The following C7 variants were observed in gnomAD, a reference collection of about 807,000 sequenced individuals.
C7 encodes complement C7, also known as complement component C7.
C7 carries 83 observed loss-of-function variants against 104.8 expected under a neutral mutation model. That is an observed-to-expected ratio of 0.79 (90% confidence interval 0.66 to 0.95). C7 has a LOEUF of 0.95. Among genes scored for constraint, C7 ranks in the 40% least tolerant of loss-of-function variants. The probability of loss-of-function intolerance (pLI) is 0.00; values close to 1 mark genes in which losing one functional copy is unlikely to be tolerated. For missense variants in C7, 1,070 were observed against 1,011.2 expected (o/e 1.06, Z -0.79); for synonymous variants, 415 against 360.6 (o/e 1.15, Z -1.71).
At chr5:40,945,785 G>A (rs899551266) in intron 7 of C7, among the ~76,000 whole-genome samples, 37 of 150,896 alleles carry the variant, frequency 2.5e-4, no homozygotes, top group African/African-American at 8.0e-4. Context: ...GATCACTTGA[G>A]CCTTGGAGGG....
intron 1 of C7, among the ~76,000 whole-genome samples, chr5:40,928,352 T>C (rs1312686824): frequency 6.6e-6 from 1 of 152,156 alleles, no homozygotes; most frequent in Non-Finnish European, 1.5e-5. Flanking sequence ...TGGGGTATCA[T>C]ACATTTCAAA....
chr5:40,951,943 A>G (rs1050916263), intron 9 of C7, among the ~76,000 whole-genome samples: 1 of 152,234 alleles, frequency 6.6e-6, no homozygotes, highest in Non-Finnish European at 1.5e-5. Context: ...CACTCAAGAT[A>G]TAGCCGTGAA....
chr5:40,951,849 A>G (rs1454808211), intron 9 of C7, among the ~76,000 whole-genome samples: 1 of 152,224 alleles, frequency 6.6e-6, no homozygotes, highest in Non-Finnish European at 1.5e-5. Flanking sequence ...GATAAGTAGT[A>G]AAACCAGGTT....
At chr5:40,954,079 G>A (rs574340065) in intron 9 of C7, among the ~76,000 whole-genome samples, 28 of 152,150 alleles carry the variant, frequency 1.8e-4, no homozygotes, top group African/African-American at 6.0e-4. Flanking sequence ...AAATTATGAG[G>A]CACATAAATG....
At chr5:40,910,175 C>T (rs1482917634) in intron 1 of C7, among the ~76,000 whole-genome samples, 1 of 151,654 alleles carries the variant, frequency 6.6e-6, no homozygotes, top group African/African-American at 2.4e-5. Flanking sequence ...TACATGTTGG[C>T]CCAATGCAAA....
In C7 at chr5:40,924,542, T is replaced by TG. The variant is rs200947908; in HGVS notation, c.7-4031dup. 1.4e-3 allele frequency among the ~76,000 whole-genome samples: 212 copies of TG among 152,258 alleles called. 3 individuals are homozygous for TG. In the East Asian group the frequency reaches 0.03, roughly 21 times the overall value. ...AGGCAGTACTCCAGTGGGGACTGTG[T>TG]GGGGGGGTTCCAACCCTGCATTTCC... On this transcript the variant is annotated intron_variant, in intron 1 of 17. Transcript: ENST00000313164.
At chr5:40,945,700 A>G (rs1451853915) in intron 7 of C7, among the ~76,000 whole-genome samples, 1 of 151,692 alleles carries the variant, frequency 6.6e-6, no homozygotes, top group African/African-American at 2.4e-5. Flanking sequence ...CCCTGTCTCT[A>G]TAAAAACACA....
At chr5:40,909,810 A>G (rs1739169481) in intron 1 of C7, among the ~76,000 whole-genome samples, 194 bp downstream of exon 1, 1 of 152,230 alleles carries the variant, frequency 6.6e-6, no homozygotes, top group South Asian at 2.1e-4. Context: ...CATATTTAAC[A>G]GTTCAGCCAA....
Position 40,931,139 on chromosome 5 carries a change from G to A in C7, c.138G>A (p.Gln46=). 1 of 1,611,146 alleles carries A rather than the reference G, an allele frequency of 6.2e-7. No homozygotes were observed. Among genetic ancestry groups the A allele is most frequent in the African/African-American group, 1.3e-5 (1 of 74,970 alleles). Residue 46 remains glutamine, a splice_region_variant and synonymous_variant, in exon 3 of 18, where the codon CAG becomes CAA. Transcript: ENST00000313164. ...WSECNGCTKT[Q]TRRRSVAVYG... ...AATGCAATGGCTGTACCAAGACTCAGGTAGGACCATGCAAAACTTTGTATT... is the reference window on the plus strand; with the variant it reads ...AATGCAATGGCTGTACCAAGACTCAAGTAGGACCATGCAAAACTTTGTATT...
intron 1 of C7, among the ~76,000 whole-genome samples, chr5:40,917,377 A>G (rs1739340142): frequency 6.6e-6 from 1 of 152,226 alleles, no homozygotes; most frequent in South Asian, 2.1e-4. Flanking sequence ...AAAATACTGA[A>G]TGTTTTATTT....
At chr5:40,967,078 TTTTC>T (rs1346401870) in intron 14 of C7, among the ~76,000 whole-genome samples, 1 of 130,542 alleles carries the variant, frequency 7.7e-6, no homozygotes, top group Admixed American at 8.1e-5. Context: ...GATTTTTTTT[TTTTC>T]TTTGAGATGG....
At chr5:40,975,011 A>G (rs1191941112) in intron 15 of C7, among the ~76,000 whole-genome samples, 1 of 152,200 alleles carries the variant, frequency 6.6e-6, no homozygotes, top group Non-Finnish European at 1.5e-5. Context: ...TAAAAACCAA[A>G]GATGTCCCTA....
intron 7 of C7, among the ~76,000 whole-genome samples, chr5:40,945,872 AT>A (rs1561247329): frequency 2.2e-4 from 13 of 59,440 alleles, no homozygotes; most frequent in African/African-American, 8.6e-4. Context: ...TCAAAAAAAA[AT>A]ACATATATAT....
At chr5:40,916,581 T>A (rs1316364521) in intron 1 of C7, among the ~76,000 whole-genome samples, 1 of 152,166 alleles carries the variant, frequency 6.6e-6, no homozygotes, top group African/African-American at 2.4e-5. Flanking sequence ...AAGGAAATGC[T>A]CGAAACCATT....
intron 5 of C7, 45 bp downstream of exon 5, chr5:40,936,530 T>C: frequency 6.4e-7 from 1 of 1,570,218 alleles, no homozygotes; most frequent in Non-Finnish European, 8.6e-7. Context: ...GAATTGTAGT[T>C]TTAAATTTTG....
chr5:40,917,581 T>C (rs878904172), intron 1 of C7, among the ~76,000 whole-genome samples: 2 of 152,216 alleles, frequency 1.3e-5, no homozygotes, highest in Admixed American at 1.3e-4. Context: ...AATGCAGCAA[T>C]GAACATGGGA....
chr5:40,972,980 A>G (rs572914859), intron 15 of C7, among the ~76,000 whole-genome samples: 13 of 152,306 alleles, frequency 8.5e-5, no homozygotes, highest in Admixed American at 2.6e-4. Flanking sequence ...TAATTTATTT[A>G]AAGTTCTGTA....
chr5:40,968,859 G>T (rs1445664847), intron 14 of C7, among the ~76,000 whole-genome samples: 1 of 151,314 alleles, frequency 6.6e-6, no homozygotes, highest in Non-Finnish European at 1.5e-5. Context: ...TGATCTGCCT[G>T]CTTCAGTCTC....
At chr5:40,981,343 C>T (rs1350924400) in intron 17 of C7, 49 bp from the exon 18 acceptor site, 6 of 1,548,370 alleles carry the variant, frequency 3.9e-6, no homozygotes, top group Non-Finnish European at 5.3e-6. Context: ...TTCTTTGACT[C>T]CCCGACCTCC....
Sources: gnomAD v4.1 joint callset for allele counts (sites outside exome capture counted in the v4.1 genomes callset) on GRCh38, gnomAD v4.1.1 for gene constraint, MANE v1.5 for transcripts, NCBI Gene and HGNC (gene_info 2026-07-23, HGNC 2026-07-21) for gene names.